Variants in FABP5 observed in about 807,000 individuals in gnomAD.
The protein encoded by FABP5 is fatty acid binding protein 5, also known as fatty acid-binding protein 5.
In FABP5, 7 loss-of-function variants were observed where a neutral mutation model predicts 16.9. The ratio of observed to expected loss-of-function variants is 0.41; its 90% CI spans 0.24 to 0.78. The LOEUF (loss-of-function observed/expected upper bound fraction) is 0.78. Ranked by LOEUF, FABP5 falls within the 30% of genes least tolerant of loss-of-function variation. FABP5 has a pLI of 0.30. For synonymous variants in FABP5, 37 were observed against 52.8 expected, an observed-to-expected ratio of 0.70 and a Z score of 1.30; for missense variants, 119 against 159.5, an observed-to-expected ratio of 0.75 and a Z score of 1.37.
Position 81,283,467 on chromosome 8 carries a change from A to G in FABP5, c.181A>G (p.Lys61Glu). 1.9e-6 allele frequency: 3 copies of G among 1,613,294 alleles called. No homozygotes were observed. Among genetic ancestry groups the G allele is most frequent in the Non-Finnish European group, 2.5e-6 (3 of 1,179,640 alleles). Residue 61 changes from lysine to glutamate, a missense_variant, in exon 2 of 4, where the codon AAA becomes GAA. Transcript: ENST00000297258. ...CACCATAAAAACTGAGAGCACTTTGAAAACAACACAGTTTTCTTGTACCCT... is the reference window on the plus strand; with the variant it reads ...CACCATAAAAACTGAGAGCACTTTGGAAACAACACAGTTTTCTTGTACCCT... ...NLTIKTESTL[K>E]TTQFSCTLGE...
At chr8:81,280,890 G>T (rs1246415860) in intron 1 of FABP5, 2 of 506,960 alleles carry the variant, frequency 3.9e-6, no homozygotes, top group Non-Finnish European at 7.1e-6. Context: ...CCTCTTGCCC[G>T]CCCGCGGGCC....
intron 2 of FABP5, 133 bp downstream of exon 2, chr8:81,283,671 A>G: frequency 9.1e-7 from 1 of 1,099,216 alleles, no homozygotes; most frequent in African/African-American, 1.6e-5. Flanking sequence ...AATTAGCAAA[A>G]GTATCAACTT....
At position 81,284,610 on chromosome 8, in the gene FABP5, A is replaced by T. The variant is rs757658040; in HGVS notation, c.*43A>T. On this transcript the variant is annotated 3_prime_UTR_variant, in exon 4 of 4. Transcript: ENST00000297258. ...TGGACAGGAGTTAATTAAGAGAATG[A>T]CCAAGCTCAGTTCAATGAGCAAATC... The T allele has an allele frequency of 1.9e-5, 22 of 1,180,662 alleles. No homozygotes were observed. Among genetic ancestry groups the T allele is most frequent in the Non-Finnish European group, 2.5e-5 (20 of 801,632 alleles). 73.1% of individuals were successfully genotyped at this position (1,180,662 alleles called of 1,614,324 possible). A position where few individuals can be genotyped will look rare whatever the true frequency, so the allele number is the denominator to read the frequency against.
In FABP5 at chr8:81,281,183, C is replaced by A. The variant is rs559519392; in HGVS notation, c.79+509C>A. 4.0e-6 allele frequency: 1 copy of A among 248,770 alleles called. No individual in the cohort carries two copies. Among genetic ancestry groups the A allele is most frequent in the Admixed American group, 6.5e-5 (1 of 15,478 alleles). The allele number at this position is 248,770 out of a possible 1,614,324, so 15.4% of individuals were successfully genotyped here. On this transcript the variant is annotated intron_variant, in intron 1 of 3. Coordinates refer to ENST00000297258, the MANE Select transcript of FABP5 (RefSeq NM_001444.3). The surrounding 1 kb of genome is among the most constrained non-coding windows in gnomAD (Gnocchi z 4.5). ...GTCGCATCTTTTGTTCCCTGTGGCG[C>A]GCAGGTCACCCTCCGTTTTCTTCAT...
In FABP5 at chr8:81,283,373, A is replaced by G; in HGVS notation, c.87A>G (p.Gly29=). The G allele has an allele frequency of 6.3e-7, 1 of 1,597,242 alleles. No homozygotes were observed. The highest frequency in any genetic ancestry group is 8.5e-7 in the Non-Finnish European group (1 of 1,172,852). ...FDEYMKELGV[G]IALRKMGAMA... Reference sequence around the variant, plus strand: ...TGACTTAACATTCTACAGGAGTGGGAATAGCTTTGCGAAAAATGGGCGCAA... The same window carrying G: ...TGACTTAACATTCTACAGGAGTGGGGATAGCTTTGCGAAAAATGGGCGCAA... Residue 29 remains glycine, a synonymous_variant, in exon 2 of 4, where the codon GGA becomes GGG. Transcript: ENST00000297258.
Position 81,281,793 on chromosome 8 carries a change from G to T in FABP5, c.79+1119G>T. 2 of 469,406 alleles carry T rather than the reference G, an allele frequency of 4.3e-6. No individual in the cohort carries two copies. The highest frequency in any genetic ancestry group is 5.6e-6 in the Non-Finnish European group (2 of 358,716). 29.1% of individuals were successfully genotyped at this position (469,406 alleles called of 1,614,324 possible). ...AAATTGCAAACAAAAATGGACCTTT[G>T]TCACAGGCCACTAGGAAGTGAGATG... On this transcript the variant is annotated intron_variant, in intron 1 of 3. Transcript: ENST00000297258. This position sits in a 1 kb window ranked among gnomAD's most constrained non-coding sequence, Gnocchi z 4.5.
chr8:81,283,629 G>C, intron 2 of FABP5, 91 bp downstream of exon 2: 2 of 1,322,408 alleles, frequency 1.5e-6, no homozygotes, highest in Non-Finnish European at 2.1e-6. Flanking sequence ...AGAACTTAAT[G>C]AAAAAGTTAT....
In FABP5 at chr8:81,283,591, A is replaced by G; in HGVS notation, c.252+53A>G. The G allele has an allele frequency of 2.0e-6, 3 of 1,507,562 alleles. No individual in the cohort carries two copies. In the South Asian group the frequency reaches 3.8e-5, roughly 19 times the overall value. 93.4% of individuals were successfully genotyped at this position (1,507,562 alleles called of 1,614,324 possible). On this transcript the variant is annotated intron_variant, in intron 2 of 3. Transcript: ENST00000297258. ...AGAAGCTTCTAGAATGATAGGCTGT[A>G]TCAATAACATTTTACTGTTTATAGG...
In FABP5 at chr8:81,284,678, T is replaced by C. The variant is rs1375627076; in HGVS notation, c.*111T>C. 1 of 601,014 alleles carries C rather than the reference T, an allele frequency of 1.7e-6. No individual in the cohort carries two copies. The highest frequency in any genetic ancestry group is 2.9e-5 in the Admixed American group (1 of 34,682). The allele number at this position is 601,014 out of a possible 1,614,324, so 37.2% of individuals were successfully genotyped here. A position where few individuals can be genotyped will look rare whatever the true frequency, so the allele number is the denominator to read the frequency against. On this transcript the variant is annotated 3_prime_UTR_variant, in exon 4 of 4. Transcript: ENST00000297258. ...TTTTTTTTTTCATTACTGTGTTCAATTATCTTTATCATAAACATTTTACAT... is the reference window on the plus strand; with the variant it reads ...TTTTTTTTTTCATTACTGTGTTCAACTATCTTTATCATAAACATTTTACAT...
intron 1 of FABP5, chr8:81,283,005 A>C (rs1461642699): frequency 5.8e-6 from 1 of 173,892 alleles, no homozygotes; most frequent in Non-Finnish European, 1.2e-5. Flanking sequence ...TAACTTTCTG[A>C]AAGCCAGCAT....
rs893640320 is a variant in FABP5 at position 81,281,977 on chromosome 8, G to A, written c.79+1303G>A. ...GACCCTCTATTGATACCTGGTCGCC[G>A]TGGCACTTCGGAATCACTCCTTCAG... On this transcript the variant is annotated intron_variant, in intron 1 of 3. Coordinates refer to ENST00000297258, the MANE Select transcript of FABP5 (RefSeq NM_001444.3). The surrounding 1 kb of genome is among the most constrained non-coding windows in gnomAD (Gnocchi z 4.5). Among the ~76,000 whole-genome samples, 4 of 152,108 alleles carry A rather than the reference G, an allele frequency of 2.6e-5. No homozygotes were observed. Among genetic ancestry groups the A allele is most frequent in the Admixed American group, 1.3e-4 (2 of 15,272 alleles).
chr8:81,283,683 A>G, intron 2 of FABP5, 145 bp downstream of exon 2: 1 of 1,059,350 alleles, frequency 9.4e-7, no homozygotes, highest in Non-Finnish European at 1.3e-6. Flanking sequence ...TATCAACTTC[A>G]TCATAGAATT....
Position 81,283,917 on chromosome 8 carries a change from G to A in FABP5, c.297G>A (p.Glu99=), listed in dbSNP as rs1187424845. ...FTDGALVQHQ[E]WDGKESTITR... ...ATGGTGCATTGGTTCAGCATCAGGAGTGGGATGGGAAGGAAAGCACAATAA... is the reference window on the plus strand; with the variant it reads ...ATGGTGCATTGGTTCAGCATCAGGAATGGGATGGGAAGGAAAGCACAATAA... Residue 99 remains glutamate (E), a synonymous_variant, in exon 3 of 4, where the codon GAG becomes GAA. Transcript: ENST00000297258. 6.2e-7 allele frequency: 1 copy of A among 1,612,942 alleles called. No homozygotes were observed. Among genetic ancestry groups the A allele is most frequent in the Non-Finnish European group, 8.5e-7 (1 of 1,179,456 alleles).
chr8:81,281,047 C>G lies in FABP5; in HGVS notation c.79+373C>G. 4.8e-6 allele frequency: 1 copy of G among 208,004 alleles called. No homozygotes were observed. Among genetic ancestry groups the G allele is most frequent in the East Asian group, 1.2e-4 (1 of 8,016 alleles). The allele number at this position is 208,004 out of a possible 1,614,324, so 12.9% of individuals were successfully genotyped here. On this transcript the variant is annotated intron_variant, in intron 1 of 3. Coordinates refer to ENST00000297258, the MANE Select transcript of FABP5 (RefSeq NM_001444.3). The surrounding 1 kb of genome is among the most constrained non-coding windows in gnomAD (Gnocchi z 4.5). ...TGCACTTCTTTCGACCCCCTCCAGG[C>G]GACCCTGTATTTCCCTTTTTTCCCC...
At chr8:81,284,420 G>A in intron 3 of FABP5, 94 bp from the exon 4 acceptor site, 3 of 810,836 alleles carry the variant, frequency 3.7e-6, no homozygotes, top group Non-Finnish European at 6.2e-6. Context: ...TAGATTACGT[G>A]ATTTCGTGGG....
chr8:81,282,213 C>G (rs1303871374), intron 1 of FABP5, among the ~76,000 whole-genome samples: 1 of 147,468 alleles, frequency 6.8e-6, no homozygotes, highest in African/African-American at 2.5e-5. Flanking sequence ...AGTTTAAGGC[C>G]CAAAGAACAC....
In FABP5 at chr8:81,280,589, A is replaced by G; in HGVS notation, c.-7A>G. Reference sequence around the variant, plus strand: ...CCTCTCTGCACGCCAGCCCGCCCGCACCCACCATGGCCACAGTTCAGCAGC... The same window carrying G: ...CCTCTCTGCACGCCAGCCCGCCCGCGCCCACCATGGCCACAGTTCAGCAGC... On this transcript the variant is annotated 5_prime_UTR_variant, in exon 1 of 4. Coordinates refer to ENST00000297258, the MANE Select transcript of FABP5 (RefSeq NM_001444.3). 1 of 1,552,558 alleles carries G rather than the reference A, an allele frequency of 6.4e-7. No homozygotes were observed. The highest frequency in any genetic ancestry group is 1.2e-5 in the South Asian group (1 of 84,110).
chr8:81,280,563 C>A lies in FABP5; in HGVS notation c.-33C>A, dbSNP rs762693488. On this transcript the variant is annotated 5_prime_UTR_variant, in exon 1 of 4. Transcript: ENST00000297258. ...AGCACGCTGCCACGCCGACGCAGACCCCTCTCTGCACGCCAGCCCGCCCGC... is the reference window on the plus strand; with the variant it reads ...AGCACGCTGCCACGCCGACGCAGACACCTCTCTGCACGCCAGCCCGCCCGC... 8 of 1,545,606 alleles carry A rather than the reference C, an allele frequency of 5.2e-6. No homozygotes were observed. Among genetic ancestry groups the A allele is most frequent in the East Asian group, 2.5e-5 (1 of 40,810 alleles).
chr8:81,283,328 G>A, intron 1 of FABP5, 38 bp from the exon 2 acceptor site: 1 of 1,502,940 alleles, frequency 6.7e-7, no homozygotes, highest in Non-Finnish European at 9.0e-7. Context: ...TGATAACTTT[G>A]GTCTTCCTGT....
Sources: gnomAD v4.1 joint callset for allele counts (sites outside exome capture counted in the v4.1 genomes callset) on GRCh38, gnomAD v4.1.1 for gene constraint, Gnocchi (gnomAD v3.1) non-coding constraint, MANE v1.5 for transcripts, NCBI Gene and HGNC (gene_info 2026-07-23, HGNC 2026-07-21) for gene names.